Variants in BMPR1B observed in about 807,000 individuals in gnomAD.
The protein encoded by BMPR1B is bone morphogenetic protein receptor type-1B.
A neutral mutation model predicts 59.1 loss-of-function variants in BMPR1B; 12 were observed. The observed-to-expected ratio is 0.20, with a 90% CI of 0.13 to 0.33. BMPR1B has a LOEUF of 0.33. Ranked by LOEUF, BMPR1B falls within the 10% of genes least tolerant of loss-of-function variation. The probability of loss-of-function intolerance (pLI) is 1.00; values close to 1 mark genes in which losing one functional copy is unlikely to be tolerated. For missense variants in BMPR1B, 550 were observed against 610.9 expected (o/e 0.90, Z 1.05); for synonymous variants, 237 against 207.3 (o/e 1.14, Z -1.23).
chr4:94,988,409 AGTT>A (rs1721540722), intron 2 of BMPR1B, among the ~76,000 whole-genome samples: 1 of 152,110 alleles, frequency 6.6e-6, no homozygotes, highest in Non-Finnish European at 1.5e-5. Flanking sequence ...TATTAAACAT[AGTT>A]GTTTTATTAT....
Position 94,841,254 on chromosome 4 carries a change from A to C in BMPR1B, c.-182-34577A>C, listed in dbSNP as rs1206517356. On this transcript the variant is annotated intron_variant, in intron 1 of 12. Transcript: ENST00000515059. The stretch of plus-strand genomic sequence containing the variant: ...CTGCCCCCAGAGGTGGAGCCTACAG[A>C]GGCAGGCAGGCCTCCTTGAGCTGTG... Among the ~76,000 whole-genome samples the C allele has an allele frequency of 2.0e-5, 3 of 146,394 alleles. 1 individual carries two copies. The highest frequency in any genetic ancestry group is 4.6e-5 in the Non-Finnish European group (3 of 65,644).
At chr4:95,066,521 GTTTC>G (rs1251550606) in intron 3 of BMPR1B, among the ~76,000 whole-genome samples, 8 of 152,168 alleles carry the variant, frequency 5.3e-5, no homozygotes, top group African/African-American at 1.4e-4. Flanking sequence ...GTTAGGTAAA[GTTTC>G]TTTCTTCTGT....
intron 1 of BMPR1B, among the ~76,000 whole-genome samples, chr4:94,798,197 C>A (rs1723267283): frequency 6.6e-6 from 1 of 152,138 alleles, no homozygotes; most frequent in Admixed American, 6.5e-5. Flanking sequence ...GCATTCTTAA[C>A]CAAAATATTG....
intron 1 of BMPR1B, among the ~76,000 whole-genome samples, chr4:94,813,157 G>A (rs1457797047): frequency 6.6e-6 from 1 of 151,664 alleles, no homozygotes; most frequent in Non-Finnish European, 1.5e-5. Flanking sequence ...CTGGCCACAT[G>A]GAGTTTATAT....
chr4:94,781,473 C>T lies in BMPR1B; in HGVS notation c.-183+23405C>T, dbSNP rs185038343. 2.1e-3 allele frequency among the ~76,000 whole-genome samples: 318 copies of T among 152,146 alleles called. 8 individuals are homozygous for T. The highest frequency in any genetic ancestry group is 0.019 in the East Asian group (99 of 5,168). On this transcript the variant is annotated intron_variant, in intron 1 of 12. Coordinates refer to ENST00000515059, the MANE Select transcript of BMPR1B (RefSeq NM_001203.3). ...TGTCACCCAGGCCAGAGTGCAGTGG[C>T]GCCATCTTGGCTCACTGCAACCTCC...
intron 1 of BMPR1B, among the ~76,000 whole-genome samples, chr4:94,810,251 T>C (rs1723763158): frequency 6.6e-6 from 1 of 152,240 alleles, no homozygotes. Context: ...CTACAATTGG[T>C]TTAACATTTA....
At chr4:95,142,438 C>T (rs963925517) in intron 10 of BMPR1B, among the ~76,000 whole-genome samples, 3 of 152,172 alleles carry the variant, frequency 2.0e-5, no homozygotes. Flanking sequence ...CACATGTCTT[C>T]TCATGCCTCC....
chr4:95,080,147 TC>T (rs1729013097), intron 3 of BMPR1B, among the ~76,000 whole-genome samples: 1 of 152,208 alleles, frequency 6.6e-6, no homozygotes, highest in African/African-American at 2.4e-5. Flanking sequence ...TTAAAACAAA[TC>T]ATCTCTTATA....
intron 10 of BMPR1B, among the ~76,000 whole-genome samples, chr4:95,136,139 G>A (rs1344052848): frequency 6.6e-6 from 1 of 151,970 alleles, no homozygotes; most frequent in Admixed American, 6.6e-5. Flanking sequence ...TTTTGTCTTT[G>A]CTAGGCAATA....
At chr4:94,925,201 C>T (rs1007853840) in intron 2 of BMPR1B, among the ~76,000 whole-genome samples, 1 of 152,046 alleles carries the variant, frequency 6.6e-6, no homozygotes, top group African/African-American at 2.4e-5. Context: ...ATGGATTCCT[C>T]CCATACCAGC....
At chr4:94,792,764 T>G (rs1358744957) in intron 1 of BMPR1B, among the ~76,000 whole-genome samples, 5 of 152,158 alleles carry the variant, frequency 3.3e-5, no homozygotes, top group Non-Finnish European at 7.4e-5. Context: ...TTTAGATAGT[T>G]ACATAAGAAT....
At chr4:94,993,760 C>CAAAAAAAAAAAAAAAA (rs34395946) in intron 2 of BMPR1B, among the ~76,000 whole-genome samples, 1 of 68,590 alleles carries the variant, frequency 1.5e-5, no homozygotes. Context: ...GACTCCATCT[C>CAAAAAAAAAAAAAAAA]AAAAAAAAAA....
intron 10 of BMPR1B, among the ~76,000 whole-genome samples, chr4:95,140,596 G>A (rs1351857236): frequency 2.0e-5 from 3 of 151,998 alleles, no homozygotes; most frequent in Non-Finnish European, 4.4e-5. Context: ...AGCATCTTCT[G>A]TACTACTCTT....
At chr4:94,873,459 T>C (rs1726583856) in intron 1 of BMPR1B, among the ~76,000 whole-genome samples, 2 of 150,802 alleles carry the variant, frequency 1.3e-5, no homozygotes, top group South Asian at 4.2e-4. Context: ...CAGGCTGGAA[T>C]GCAGTGGCGC....
intron 2 of BMPR1B, among the ~76,000 whole-genome samples, chr4:94,919,465 A>AT (rs2149022453): frequency 6.6e-6 from 1 of 152,316 alleles, no homozygotes; most frequent in East Asian, 1.9e-4. Context: ...ATACAATGTG[A>AT]TATTTTCTAC....
At chr4:94,833,935 T>G (rs931540165) in intron 1 of BMPR1B, among the ~76,000 whole-genome samples, 3 of 152,204 alleles carry the variant, frequency 2.0e-5, no homozygotes, top group Non-Finnish European at 4.4e-5. Flanking sequence ...TTCTTGAAAC[T>G]TGAGAAAATA....
At chr4:94,912,719 A>G (rs1560543951) in intron 2 of BMPR1B, among the ~76,000 whole-genome samples, 4 of 152,116 alleles carry the variant, frequency 2.6e-5, no homozygotes, top group East Asian at 1.9e-4. Context: ...AGTGAGGGGT[A>G]TGGGAATAAT....
chr4:95,056,370 C>G (rs1011733880), intron 3 of BMPR1B, among the ~76,000 whole-genome samples: 3 of 152,148 alleles, frequency 2.0e-5, no homozygotes, highest in Non-Finnish European at 4.4e-5. Context: ...ACTGATTACT[C>G]TGCTTGATAC....
At chr4:95,100,487 T>C (rs1305618880) in intron 3 of BMPR1B, among the ~76,000 whole-genome samples, 3 of 152,130 alleles carry the variant, frequency 2.0e-5, no homozygotes, top group African/African-American at 7.2e-5. Flanking sequence ...ATAAAAAAAA[T>C]TAGGGTGTCT....
Sources: allele counts gnomAD v4.1 joint callset (sites outside exome capture counted in the v4.1 genomes callset), GRCh38; gene constraint gnomAD v4.1.1; transcripts MANE v1.5; gene names NCBI Gene and HGNC (gene_info 2026-07-23, HGNC 2026-07-21).